The following ODAM variants were observed in gnomAD, a reference collection of about 807,000 sequenced individuals.
ODAM encodes odontogenic ameloblast-associated protein.
Under a neutral mutation model 48.5 loss-of-function variants are expected in ODAM, and 55 were observed. That is an observed-to-expected ratio of 1.13 (90% CI 0.91 to 1.42). The LOEUF (loss-of-function observed/expected upper bound fraction) is 1.42. Ranked by LOEUF, ODAM falls within the 40% of genes most tolerant of loss-of-function variation. The pLI is 0.00. For synonymous variants in ODAM, 127 were observed against 107.8 expected (o/e 1.18, Z -1.10); for missense variants, 353 against 323.6 (o/e 1.09, Z -0.70).
At position 70,202,798 on chromosome 4, in the gene ODAM, A is replaced by C. The variant is rs773419323; in HGVS notation, c.691A>C (p.Asn231His). 2 of 1,611,290 alleles carry C rather than the reference A, an allele frequency of 1.2e-6. No individual in the cohort carries two copies. Among genetic ancestry groups the C allele is most frequent in the Middle Eastern group, 1.7e-4 (1 of 6,040 alleles). ...EIPYLQKEAINFRHDSAGVFM... is the reference protein window; with the variant it reads ...EIPYLQKEAIHFRHDSAGVFM... ...ACCATATTTACAAAAAGAAGCGATCAACTTTAGACATGACAGTGCAGGAGT... is the reference window on the plus strand; with the variant it reads ...ACCATATTTACAAAAAGAAGCGATCCACTTTAGACATGACAGTGCAGGAGT... The change falls in exon 10 of 12, where the codon AAC becomes CAC. Residue 231 changes from asparagine to histidine, a missense_variant. Transcript: ENST00000683306.
At position 70,198,025 on chromosome 4, in the gene ODAM, C is replaced by T. The variant is rs1560482973; in HGVS notation, c.243C>T (p.Asp81=). The T allele has an allele frequency of 1.9e-6, 3 of 1,613,172 alleles. No homozygotes were observed. Among genetic ancestry groups the T allele is most frequent in the African/African-American group, 2.7e-5 (2 of 74,784 alleles). The part of the protein sequence containing the change: ...GLSQFSLSAL[D]QFAGLLPNQI... ...CCCAGTTCTCTTTATCAGCTCTAGA[C>T]CAGTTTGCTGGACTGCTCCCAAATC... The change falls in exon 5 of 12, where the codon GAC becomes GAT. Residue 81 remains aspartate, a synonymous_variant. Coordinates refer to ENST00000683306, the MANE Select transcript of ODAM (RefSeq NM_017855.4).
rs1385730588 is a variant in ODAM at position 70,198,144 on chromosome 4, C to T, written c.362C>T (p.Pro121Leu). 4 of 1,612,932 alleles carry T rather than the reference C, an allele frequency of 2.5e-6. No individual in the cohort carries two copies. In the South Asian group the frequency reaches 4.4e-5, roughly 18 times the overall value. ...CTTCAAACACCGCCTCAGACACAAC[C>T]AGGCCCCAGTCACGTAAGTCAGGCC... ...LQLQTPPQTQ[P>L]GPSHVMPYVF... The change falls in exon 5 of 12, where the codon CCA becomes CTA. Residue 121 changes from proline (P) to leucine (L), a missense_variant. Transcript: ENST00000683306.
intron 4 of ODAM, 123 bp from the exon 5 acceptor site, chr4:70,197,801 T>G: frequency 1.4e-6 from 1 of 721,010 alleles, no homozygotes; most frequent in Non-Finnish European, 2.3e-6. Flanking sequence ...GCTGTCCTTT[T>G]TTATGTTGCA....
At chr4:70,198,239 A>C in intron 5 of ODAM, 82 bp downstream of exon 5, 15 of 1,156,758 alleles carry the variant, frequency 1.3e-5, no homozygotes, top group Non-Finnish European at 1.9e-5. Flanking sequence ...CAGCTTTGAA[A>C]TAGGCAGGGG....
In ODAM at chr4:70,198,604, A is replaced by G. The variant is rs775974191; in HGVS notation, c.401A>G (p.Lys134Arg). The change falls in exon 6 of 12, where the codon AAA becomes AGA. Residue 134 changes from lysine to arginine, a missense_variant. Lys to Arg is a conservative substitution (Grantham distance 26). Transcript: ENST00000683306. ...SHVMPYVFSF[K>R]MPQEQGQMFQ... Reference sequence around the variant, plus strand: ...GTGATGCCCTATGTATTCTCCTTCAAAATGCCTCAAGAGCAAGGACAGGTA... The same window carrying G: ...GTGATGCCCTATGTATTCTCCTTCAGAATGCCTCAAGAGCAAGGACAGGTA... 2 of 1,603,806 alleles carry G rather than the reference A, an allele frequency of 1.2e-6. No homozygotes were observed. Among genetic ancestry groups the G allele is most frequent in the South Asian group, 2.2e-5 (2 of 89,048 alleles).
chr4:70,200,599 C>T lies in ODAM; in HGVS notation c.526C>T (p.Gln176Ter). ...AACAAGACAGCAACAGTATGAGGAG[C>T]AGGTACTGCAAATGTTTTATTTTAA... Reference protein sequence around the residue: ...QQTRQQQYEEQIPFYAQFGYI... With the variant: ...QQTRQQQYEE The change falls in exon 7 of 12, where the codon CAG becomes TAG. Residue 176 changes from glutamine to a stop codon, truncating the protein, a stop_gained and splice_region_variant. Coordinates refer to ENST00000683306, the MANE Select transcript of ODAM (RefSeq NM_017855.4). LOFTEE classifies it high-confidence loss of function. The T allele has an allele frequency of 6.3e-7, 1 of 1,584,714 alleles. No homozygotes were observed. The highest frequency in any genetic ancestry group is 8.7e-7 in the Non-Finnish European group (1 of 1,155,734).
chr4:70,198,752 T>C (rs1409754887), intron 6 of ODAM, 126 bp downstream of exon 6: 6 of 765,924 alleles, frequency 7.8e-6, no homozygotes, highest in Non-Finnish European at 1.3e-5. Context: ...ACTGTCTAGA[T>C]AACATCATTG....
rs779825050 is a variant in ODAM at position 70,204,532 on chromosome 4, T to C, written c.*387T>C. The C allele has an allele frequency of 6.6e-6, 1 of 151,966 alleles. No homozygotes were observed. The highest frequency in any genetic ancestry group is 1.5e-5 in the Non-Finnish European group (1 of 67,976). The allele number at this position is 151,966 out of a possible 1,614,324, so 9.4% of individuals were successfully genotyped here. A position where few individuals can be genotyped will look rare whatever the true frequency, so the allele number is the denominator to read the frequency against. On this transcript the variant is annotated 3_prime_UTR_variant, in exon 12 of 12. Coordinates refer to ENST00000683306, the MANE Select transcript of ODAM (RefSeq NM_017855.4). ...ATATTGTCATTGGATGTATGATGAG[T>C]GTTGTGATTGGAACTGATGAAGTAA...
rs1169597385 is a variant in ODAM, at chr4:70,204,430, T to C, written c.*285T>C. 6.6e-6 allele frequency: 1 copy of C among 152,046 alleles called. No homozygotes were observed. The highest frequency in any genetic ancestry group is 1.5e-5 in the Non-Finnish European group (1 of 67,976). The allele number at this position is 152,046 out of a possible 1,614,324, so 9.4% of individuals were successfully genotyped here. A position where few individuals can be genotyped will look rare whatever the true frequency, so the allele number is the denominator to read the frequency against. ...GGAATATAATAACACAGAATAAAGC[T>C]AGTATCATTAAATCAATTGGATAAT... On this transcript the variant is annotated 3_prime_UTR_variant, in exon 12 of 12. Coordinates refer to ENST00000683306, the MANE Select transcript of ODAM (RefSeq NM_017855.4).
chr4:70,197,872 A>G, intron 4 of ODAM, 52 bp from the exon 5 acceptor site: 1 of 1,479,222 alleles, frequency 6.8e-7, no homozygotes, highest in Non-Finnish European at 9.3e-7. Context: ...CTAATTTTTA[A>G]ATTCTTTTTG....
rs1236928254 is a variant in ODAM, at chr4:70,197,860, G to A, written c.142-64G>A. ...TGTATTTTGCCTCTTTCTTGCTCAG[G>A]ACTAATTTTTAAATTCTTTTTGGCA... On this transcript the variant is annotated intron_variant, in intron 4 of 11. Transcript: ENST00000683306. 5 of 1,348,606 alleles carry A rather than the reference G, an allele frequency of 3.7e-6. No individual in the cohort carries two copies. The African/African-American group carries it at 7.3e-5, about 20-fold the overall frequency. The allele number at this position is 1,348,606 out of a possible 1,614,324, so 83.5% of individuals were successfully genotyped here.
At chr4:70,196,127 T>C (rs946852468) in intron 1 of ODAM, among the ~76,000 whole-genome samples, 3 of 152,044 alleles carry the variant, frequency 2.0e-5, no homozygotes, top group Non-Finnish European at 4.4e-5. Context: ...CTTTTCAACA[T>C]AGACATTAAA....
In ODAM at chr4:70,197,296, G is replaced by A; in HGVS notation, c.116G>A (p.Gly39Asp). 1 of 1,446,078 alleles carries A rather than the reference G, an allele frequency of 6.9e-7. No homozygotes were observed. The highest frequency in any genetic ancestry group is 9.7e-7 in the Non-Finnish European group (1 of 1,029,142). The allele number at this position is 1,446,078 out of a possible 1,614,324, so 89.6% of individuals were successfully genotyped here. The change falls in exon 4 of 12, where the codon GGT becomes GAT. Residue 39 changes from glycine (G) to aspartate (D), a missense_variant. Coordinates refer to ENST00000683306, the MANE Select transcript of ODAM (RefSeq NM_017855.4). ...TAGTTACTTCTTAATCTTAATAATG[G>A]TCAACTTTTGCCACTACAACTTCAG... ...SNELLLNLNN[G>D]QLLPLQLQGP...
At chr4:70,197,393 A>G (rs185105474) in intron 4 of ODAM, 72 bp downstream of exon 4, 3 of 890,530 alleles carry the variant, frequency 3.4e-6, no homozygotes, top group Non-Finnish European at 5.6e-6. Context: ...TTGTAAGAAA[A>G]CAAAATGTTT....
In ODAM at chr4:70,200,583, G is replaced by A; in HGVS notation, c.510G>A (p.Gln170=). The A allele has an allele frequency of 6.2e-7, 1 of 1,607,962 alleles. No homozygotes were observed. The highest frequency in any genetic ancestry group is 8.5e-7 in the Non-Finnish European group (1 of 1,175,378). The part of the protein sequence containing the change: ...TVPRSPQQTR[Q]QQYEEQIPFY... ...CAAGGTCACCTCAACAAACAAGACAGCAACAGTATGAGGAGCAGGTACTGC... is the reference window on the plus strand; with the variant it reads ...CAAGGTCACCTCAACAAACAAGACAACAACAGTATGAGGAGCAGGTACTGC... Residue 170 remains glutamine (Q), a synonymous_variant, in exon 7 of 12, where the codon CAG becomes CAA. Transcript: ENST00000683306.
chr4:70,202,387 G>C, intron 9 of ODAM, 58 bp downstream of exon 9: 2 of 1,276,516 alleles, frequency 1.6e-6, no homozygotes, highest in Non-Finnish European at 1.1e-6. Flanking sequence ...ACAACTTACT[G>C]CACTAATGTT....
At chr4:70,197,243 T>A in intron 3 of ODAM, 31 bp from the exon 4 acceptor site, 4 of 1,013,222 alleles carry the variant, frequency 3.9e-6, no homozygotes, top group Non-Finnish European at 6.3e-6. Flanking sequence ...TGTGTAGTAA[T>A]CTTGATTTCA....
chr4:70,198,702 A>T, intron 6 of ODAM, 76 bp downstream of exon 6: 3 of 1,146,420 alleles, frequency 2.6e-6, no homozygotes, highest in Admixed American at 1.9e-5. Flanking sequence ...TCTAGCTCTG[A>T]CTCCTATAGC....
intron 11 of ODAM, 106 bp downstream of exon 11, chr4:70,203,320 T>C: frequency 3.2e-6 from 2 of 634,392 alleles, no homozygotes; most frequent in East Asian, 2.7e-5. Context: ...ACCAAAGTAG[T>C]TATAAAAACA....
Sources: allele counts gnomAD v4.1 joint callset (sites outside exome capture counted in the v4.1 genomes callset), GRCh38; gene constraint gnomAD v4.1.1; transcripts MANE v1.5; gene names NCBI Gene and HGNC (gene_info 2026-07-23, HGNC 2026-07-21).